The following PDE6A variants were observed in gnomAD, a reference collection of about 807,000 sequenced individuals.
PDE6A encodes phosphodiesterase 6A.
A neutral mutation model predicts 106.3 loss-of-function variants in PDE6A; 84 were observed. The observed-to-expected ratio is 0.79, with a 90% CI of 0.66 to 0.95. The LOEUF (loss-of-function observed/expected upper bound fraction) is 0.95, where lower values mean the gene tolerates loss of function less well. Among genes scored for constraint, PDE6A ranks in the 40% least tolerant of loss-of-function variants. The pLI is 0.00. For missense variants in PDE6A, 1,052 were observed against 1,084.9 expected, an observed-to-expected ratio of 0.97 and a Z score of 0.43; for synonymous variants, 394 against 386.6, an observed-to-expected ratio of 1.02 and a Z score of -0.23.
At chr5:149,886,090 T>C (rs957667939) in intron 14 of PDE6A, among the ~76,000 whole-genome samples, 175 bp downstream of exon 14, 5 of 152,210 alleles carry the variant, frequency 3.3e-5, no homozygotes, top group Non-Finnish European at 7.3e-5. Flanking sequence ...CTGGACATCT[T>C]TGTGGTGGTC....
At chr5:149,861,810 A>T (rs1760155735) in intron 21 of PDE6A, among the ~76,000 whole-genome samples, 1 of 152,164 alleles carries the variant, frequency 6.6e-6, no homozygotes. Context: ...CCAAATCTGT[A>T]TTTTTTTATC....
Position 149,895,280 on chromosome 5 carries a change from C to T in PDE6A, c.1631G>A (p.Arg544Gln), listed in dbSNP as rs780572803. Residue 544 changes from arginine to glutamine, a missense_variant, in exon 13 of 22, where the codon CGG (arginine) becomes CAG (glutamine). By Grantham distance (43) the Arg-to-Gln change is conservative. Transcript: ENST00000255266. ...GCCCTTACTCAGGGAGTACATGAAC[C>T]GCACCAGGGCCTGTGAACACATGCA... is the stretch of plus-strand genomic sequence containing the variant. ...KFHIPQEALVRFMYSLSKGYR... is the reference protein window; with the variant it reads ...KFHIPQEALVQFMYSLSKGYR... The T allele has an allele frequency of 3.7e-5, 60 of 1,611,614 alleles. No homozygotes were observed. The Middle Eastern group carries it at 4.9e-4, about 13-fold the overall frequency.
intron 1 of PDE6A, chr5:149,939,931 GT>G (rs1309438629): frequency 7.0e-6 from 1 of 142,684 alleles, no homozygotes; most frequent in Non-Finnish European, 1.5e-5. Flanking sequence ...GAACCAACTA[GT>G]TAAAAAAAAA....
At chr5:149,898,288 G>C in intron 10 of PDE6A, 75 bp downstream of exon 10, 1 of 1,432,454 alleles carries the variant, frequency 7.0e-7, no homozygotes, top group South Asian at 1.2e-5. Flanking sequence ...GGAGTTGCAA[G>C]TTTTGCCTTA....
At chr5:149,903,418 G>T (rs185462676) in intron 8 of PDE6A, among the ~76,000 whole-genome samples, 1 of 151,394 alleles carries the variant, frequency 6.6e-6, no homozygotes, top group African/African-American at 2.4e-5. Flanking sequence ...GGGAAAAATA[G>T]ATCCTGAGGC....
chr5:149,873,494 G>A (rs1169018871), intron 17 of PDE6A, among the ~76,000 whole-genome samples: 1 of 152,096 alleles, frequency 6.6e-6, no homozygotes, highest in East Asian at 1.9e-4. Flanking sequence ...ACCACGCCCA[G>A]CTAATTTTTG....
At chr5:149,879,658 G>A (rs1037995930) in intron 17 of PDE6A, among the ~76,000 whole-genome samples, 6 of 139,210 alleles carry the variant, frequency 4.3e-5, no homozygotes, top group Non-Finnish European at 4.5e-5. Flanking sequence ...TCCCACCTAT[G>A]AGTGAGAATA....
intron 4 of PDE6A, among the ~76,000 whole-genome samples, chr5:149,925,259 C>T (rs1035159039): frequency 6.6e-6 from 1 of 151,992 alleles, no homozygotes; most frequent in Admixed American, 6.6e-5. Context: ...GACAGAGACT[C>T]AAAAATAACT....
chr5:149,903,404 T>TG (rs1186806153), intron 8 of PDE6A, among the ~76,000 whole-genome samples: 1 of 151,012 alleles, frequency 6.6e-6, no homozygotes, highest in Non-Finnish European at 1.5e-5. Context: ...GTATATCTTG[T>TG]GGGGGGAAAA....
Position 149,863,276 on chromosome 5 carries a change from A to T in PDE6A, c.2359-10T>A, listed in dbSNP as rs1280969171. The T allele has an allele frequency of 1.2e-6, 2 of 1,613,930 alleles. No homozygotes were observed. The highest frequency in any genetic ancestry group is 1.7e-5 in the Admixed American group (1 of 59,990). ...GGAAACGGGAGAATTCCTAGAAGAGAGAGTATGTGCCTCTGGTGCAAGGGC... is the reference window on the plus strand; with the variant it reads ...GGAAACGGGAGAATTCCTAGAAGAGTGAGTATGTGCCTCTGGTGCAAGGGC... On this transcript the variant is annotated splice_polypyrimidine_tract_variant and intron_variant, in intron 20 of 21. Coordinates refer to ENST00000255266, the MANE Select transcript of PDE6A (RefSeq NM_000440.3). The surrounding 1 kb of genome is among the most constrained non-coding windows in gnomAD (Gnocchi z 4.7).
At position 149,896,711 on chromosome 5, in the gene PDE6A, C is replaced by A. The variant is rs761803322; in HGVS notation, c.1473G>T (p.Leu491=). 6.2e-7 allele frequency: 1 copy of A among 1,614,168 alleles called. No homozygotes were observed. The highest frequency in any genetic ancestry group is 8.5e-7 in the Non-Finnish European group (1 of 1,180,032). ...ECEEEELAEI[L]QAELPDADKY... ...CTCGTGCTGCCCCGGTTCAGCTCAC[C>A]AGGATCTCAGCCAGCTCCTCTTCCT... Residue 491 remains leucine (L), a splice_region_variant and synonymous_variant, in exon 11 of 22, where the codon CTG becomes CTT. Coordinates refer to ENST00000255266, the MANE Select transcript of PDE6A (RefSeq NM_000440.3).
At chr5:149,902,540 G>T (rs1487810795) in intron 8 of PDE6A, among the ~76,000 whole-genome samples, 1 of 151,864 alleles carries the variant, frequency 6.6e-6, no homozygotes, top group Non-Finnish European at 1.5e-5. Context: ...CAAATGGAAG[G>T]TCAGGCGCGG....
intron 1 of PDE6A, among the ~76,000 whole-genome samples, chr5:149,941,377 C>T (rs1754323246): frequency 1.3e-5 from 2 of 152,138 alleles, no homozygotes; most frequent in South Asian, 4.1e-4. Context: ...GGGCAGAGGG[C>T]TATGTGGAGA....
intron 13 of PDE6A, among the ~76,000 whole-genome samples, chr5:149,892,100 G>T (rs981373531): frequency 2.0e-5 from 3 of 152,088 alleles, no homozygotes; most frequent in Non-Finnish European, 4.4e-5. Context: ...ATCACTTGAG[G>T]CCAGGAGTTC....
intron 3 of PDE6A, chr5:149,932,666 A>T (rs1231786047): frequency 1.2e-6 from 2 of 1,612,862 alleles, no homozygotes; most frequent in African/African-American, 1.3e-5. Flanking sequence ...AATTTCTGCC[A>T]TCTCAGCAGC....
chr5:149,921,039 C>A (rs1174482096), intron 5 of PDE6A, among the ~76,000 whole-genome samples: 1 of 151,832 alleles, frequency 6.6e-6, no homozygotes, highest in African/African-American at 2.4e-5. Flanking sequence ...GCAAGTGTAT[C>A]TGTCAGCTGG....
At chr5:149,866,324 T>TA (rs1026840513) in intron 19 of PDE6A, 71 bp from the exon 20 acceptor site, 68 of 1,107,368 alleles carry the variant, frequency 6.1e-5, no homozygotes, top group Non-Finnish European at 9.2e-5. Flanking sequence ...GAAGCATTCT[T>TA]ACTAAAATCA....
At chr5:149,898,548 A>C in intron 9 of PDE6A, 42 bp from the exon 10 acceptor site, 1 of 1,596,978 alleles carries the variant, frequency 6.3e-7, no homozygotes, top group Non-Finnish European at 8.5e-7. Flanking sequence ...AGAACACCTA[A>C]GTTTAATCTT....
At chr5:149,938,480 T>TA (rs1452870796) in intron 1 of PDE6A, among the ~76,000 whole-genome samples, 1 of 152,110 alleles carries the variant, frequency 6.6e-6, no homozygotes, top group African/African-American at 2.4e-5. Flanking sequence ...TAAACTATGG[T>TA]AAGTATGCAC....
Sources: gnomAD v4.1 joint callset for allele counts (sites outside exome capture counted in the v4.1 genomes callset) on GRCh38, gnomAD v4.1.1 for gene constraint, Gnocchi (gnomAD v3.1) non-coding constraint, MANE v1.5 for transcripts, NCBI Gene and HGNC (gene_info 2026-07-23, HGNC 2026-07-21) for gene names.